CASZ1: variants seen among roughly 807,000 people sequenced by gnomAD.
CASZ1 encodes the protein zinc finger protein castor homolog 1.
Under a neutral mutation model 135.2 loss-of-function variants are expected in CASZ1, and 28 were observed. The ratio of observed to expected loss-of-function variants is 0.21; its 90% CI spans 0.15 to 0.28. The LOEUF is 0.28. CASZ1 is among the 10% of genes least tolerant of loss of function. The pLI, the probability that CASZ1 is intolerant of heterozygous loss-of-function variation, is 1.00. For missense variants in CASZ1, 2,161 were observed against 2,453.3 expected (o/e 0.88, Z 2.52); for synonymous variants, 1,068 against 1,073.4 (o/e 0.99, Z 0.10).
rs1639235762 is a variant in CASZ1, at chr1:10,709,238, G to T, written c.-76-3694C>A. ...TGCTCCCCAGGCCTCCCGGGGCCATGGGGGCTCGGGGCAGCTGTCGGGCTG... is the reference window on the plus strand; with the variant it reads ...TGCTCCCCAGGCCTCCCGGGGCCATTGGGGCTCGGGGCAGCTGTCGGGCTG... On this transcript the variant is annotated intron_variant, in intron 2 of 20. Coordinates refer to ENST00000377022, the MANE Select transcript of CASZ1 (RefSeq NM_001079843.3). The surrounding 1 kb of genome is among the most constrained non-coding windows in gnomAD (Gnocchi z 5.1). Among the ~76,000 whole-genome samples, 1 of 152,164 alleles carries T rather than the reference G, an allele frequency of 6.6e-6. No individual in the cohort carries two copies. Among genetic ancestry groups the T allele is most frequent in the Admixed American group, 6.5e-5 (1 of 15,288 alleles).
Position 10,774,837 on chromosome 1 carries a change from G to A in CASZ1, c.-233-13980C>T, listed in dbSNP as rs969062959. ...AGTCCTGACACTCAGAGCTCCCGCG[G>A]TCTTACAGACAAGGGAATGAATCCC... On this transcript the variant is annotated intron_variant, in intron 1 of 20. Coordinates refer to ENST00000377022, the MANE Select transcript of CASZ1 (RefSeq NM_001079843.3). This position sits in a 1 kb window ranked among gnomAD's most constrained non-coding sequence, Gnocchi z 4.4. Among the ~76,000 whole-genome samples the A allele has an allele frequency of 1.3e-5, 2 of 152,040 alleles. No homozygotes were observed. Among genetic ancestry groups the A allele is most frequent in the African/African-American group, 2.4e-5 (1 of 41,388 alleles).
intron 4 of CASZ1, among the ~76,000 whole-genome samples, chr1:10,674,165 A>G (rs982597971): frequency 1.3e-5 from 2 of 152,212 alleles, no homozygotes; most frequent in Non-Finnish European, 2.9e-5. Flanking sequence ...CTGGTGCAGA[A>G]GTGCCTCTTC....
chr1:10,664,936 C>T (rs998251710), intron 5 of CASZ1, 147 bp downstream of exon 5: 35 of 937,966 alleles, frequency 3.7e-5, no homozygotes, highest in Non-Finnish European at 4.9e-5. Context: ...TAGTCTCTCC[C>T]ACTCCAGGAG....
chr1:10,790,932 G>C (rs1371156566), intron 1 of CASZ1, among the ~76,000 whole-genome samples: 1 of 151,838 alleles, frequency 6.6e-6, no homozygotes, highest in Non-Finnish European at 1.5e-5. Context: ...TATTAGCAAA[G>C]GTCCATTTGT....
In CASZ1 at chr1:10,725,902, C is replaced by G. The variant is rs12096029; in HGVS notation, c.-76-20358G>C. On this transcript the variant is annotated intron_variant, in intron 2 of 20. Coordinates refer to ENST00000377022, the MANE Select transcript of CASZ1 (RefSeq NM_001079843.3). This position sits in a 1 kb window ranked among gnomAD's most constrained non-coding sequence, Gnocchi z 4.4. ...TGCCGAATGTTCTAGAAGGATGGGC[C>G]GGACTTAGGAGGGGGCAGCATCCTC... is the stretch of plus-strand genomic sequence containing the variant. Among the ~76,000 whole-genome samples the G allele has an allele frequency of 0.046, 7,063 of 152,020 alleles. 260 individuals are homozygous for G. The highest frequency in any genetic ancestry group is 0.11 in the African/African-American group (4,389 of 41,412).
intron 2 of CASZ1, among the ~76,000 whole-genome samples, chr1:10,731,858 A>C (rs1639707944): frequency 1.3e-5 from 2 of 152,050 alleles, no homozygotes; most frequent in South Asian, 2.1e-4. Context: ...ATGTAAAGCA[A>C]CTCCACTCTT....
chr1:10,764,643 C>G (rs114366735), intron 1 of CASZ1, among the ~76,000 whole-genome samples: 23 of 152,332 alleles, frequency 1.5e-4, no homozygotes, highest in Non-Finnish European at 3.4e-4. Context: ...AGGCCCAACT[C>G]ACTTAAAAGG....
At chr1:10,740,378 A>T (rs1426755370) in intron 2 of CASZ1, among the ~76,000 whole-genome samples, 1 of 152,178 alleles carries the variant, frequency 6.6e-6, no homozygotes, top group African/African-American at 2.4e-5. Flanking sequence ...CTTCAGCTCC[A>T]CATCTGTATA....
intron 1 of CASZ1, among the ~76,000 whole-genome samples, chr1:10,793,727 G>T (rs1641003965): frequency 6.6e-6 from 1 of 151,784 alleles, no homozygotes; most frequent in Non-Finnish European, 1.5e-5. Context: ...GGGTGGCGGG[G>T]GGGCGGGGCG....
In CASZ1 at chr1:10,676,944, C is replaced by T. The variant is rs1482688238; in HGVS notation, c.17-11373G>A. On this transcript the variant is annotated intron_variant, in intron 4 of 20. Coordinates refer to ENST00000377022, the MANE Select transcript of CASZ1 (RefSeq NM_001079843.3). This position sits in a 1 kb window ranked among gnomAD's most constrained non-coding sequence, Gnocchi z 4.5. ...GCTCTGCCACTGCCTCTCGCTGAGG[C>T]CCCTGTGGGCACAGCCAGTCAGGGG... Among the ~76,000 whole-genome samples, 1 of 152,224 alleles carries T rather than the reference C, an allele frequency of 6.6e-6. No homozygotes were observed. Among genetic ancestry groups the T allele is most frequent in the Non-Finnish European group, 1.5e-5 (1 of 68,018 alleles).
chr1:10,728,362 G>T (rs1160296172), intron 2 of CASZ1, among the ~76,000 whole-genome samples: 4 of 152,186 alleles, frequency 2.6e-5, no homozygotes, highest in Non-Finnish European at 5.9e-5. Flanking sequence ...TGGACCACGG[G>T]AAAAGGTCAG....
In CASZ1 at chr1:10,638,930, C is replaced by T; in HGVS notation, c.*12G>A. ...AGGCCGAGGCCGCCGCCAGGGCCAC[C>T]CGCGGGCGCCGCTAGGGCGAGGAGG... On this transcript the variant is annotated 3_prime_UTR_variant, in exon 21 of 21. Transcript: ENST00000377022. The surrounding 1 kb of genome is among the most constrained non-coding windows in gnomAD (Gnocchi z 5.9). 2.0e-6 allele frequency: 2 copies of T among 980,660 alleles called. No individual in the cohort carries two copies. The highest frequency in any genetic ancestry group is 9.2e-5 in the South Asian group (2 of 21,764). The allele number at this position is 980,660 out of a possible 1,614,324, so 60.7% of individuals were successfully genotyped here.
At chr1:10,705,463 C>A (rs563691433) in intron 3 of CASZ1, 29 bp downstream of exon 3, 1 of 152,506 alleles carries the variant, frequency 6.6e-6, no homozygotes, top group Non-Finnish European at 1.5e-5. Context: ...GGAGAGGACG[C>A]GAGGCTCAGG....
rs1570523774 is a variant in CASZ1 at position 10,721,758 on chromosome 1, T to C, written c.-76-16214A>G. Among the ~76,000 whole-genome samples the C allele has an allele frequency of 6.6e-6, 1 of 152,290 alleles. No individual in the cohort carries two copies. The highest frequency in any genetic ancestry group is 2.4e-5 in the African/African-American group (1 of 41,562). On this transcript the variant is annotated intron_variant, in intron 2 of 20. Coordinates refer to ENST00000377022, the MANE Select transcript of CASZ1 (RefSeq NM_001079843.3). The surrounding 1 kb of genome is among the most constrained non-coding windows in gnomAD (Gnocchi z 5.4). The stretch of plus-strand genomic sequence containing the variant: ...CAGCCTCTATCGGATCTGGCAGGCC[T>C]GGGGAGGCCTCAGGCAGCTTCAGCC...
At chr1:10,640,756 T>C (rs991801070) in intron 20 of CASZ1, among the ~76,000 whole-genome samples, 1 of 152,170 alleles carries the variant, frequency 6.6e-6, no homozygotes, top group Non-Finnish European at 1.5e-5. Context: ...AGTCGTAATT[T>C]ACCTGGGTCA....
At chr1:10,662,402 T>A (rs1643074469) in intron 5 of CASZ1, among the ~76,000 whole-genome samples, 1 of 151,818 alleles carries the variant, frequency 6.6e-6, no homozygotes, top group Non-Finnish European at 1.5e-5. Context: ...CCCAATCACG[T>A]GCATACAATC....
Position 10,762,480 on chromosome 1 carries a change from C to T in CASZ1, c.-233-1623G>A, listed in dbSNP as rs756764564. Among the ~76,000 whole-genome samples the T allele has an allele frequency of 6.6e-6, 1 of 152,140 alleles. No homozygotes were observed. Among genetic ancestry groups the T allele is most frequent in the Non-Finnish European group, 1.5e-5 (1 of 68,038 alleles). On this transcript the variant is annotated intron_variant, in intron 1 of 20. Coordinates refer to ENST00000377022, the MANE Select transcript of CASZ1 (RefSeq NM_001079843.3). The surrounding 1 kb of genome is among the most constrained non-coding windows in gnomAD (Gnocchi z 4.1). ...AACTTCAGGGCCACTGGGAGACTCA[C>T]TCCTCTGGGCTCTGAAACTCCCCTG... is the stretch of plus-strand genomic sequence containing the variant.
intron 2 of CASZ1, among the ~76,000 whole-genome samples, chr1:10,737,013 G>A (rs1639811794): frequency 6.6e-6 from 1 of 152,226 alleles, no homozygotes; most frequent in African/African-American, 2.4e-5. Context: ...GGGGGAGAAG[G>A]AAGGAAGAGA....
intron 2 of CASZ1, among the ~76,000 whole-genome samples, chr1:10,758,546 G>A (rs887927539): frequency 3.9e-5 from 6 of 152,102 alleles, no homozygotes; most frequent in African/African-American, 1.4e-4. Context: ...TGGCCAGGCT[G>A]GTCTTAAACT....
Sources: allele counts gnomAD v4.1 joint callset (sites outside exome capture counted in the v4.1 genomes callset), GRCh38; gene constraint gnomAD v4.1.1; non-coding constraint Gnocchi (gnomAD v3.1); transcripts MANE v1.5; gene names NCBI Gene and HGNC (gene_info 2026-07-23, HGNC 2026-07-21).